The following ADGRL2 variants were observed in gnomAD, a reference collection of about 807,000 sequenced individuals.
ADGRL2 encodes the protein calcium-independent alpha-latrotoxin receptor 2.
In ADGRL2, 44 loss-of-function variants were observed where a neutral mutation model predicts 157.4. The ratio of observed to expected loss-of-function variants is 0.28; its 90% CI spans 0.22 to 0.36. ADGRL2 has a LOEUF of 0.36. Ranked by LOEUF, ADGRL2 falls within the 10% of genes least tolerant of loss-of-function variation. The probability of loss-of-function intolerance (pLI) is 1.00; values close to 1 mark genes in which losing one functional copy is unlikely to be tolerated. For missense variants in ADGRL2, 1,510 were observed against 1,768.9 expected (o/e 0.85, Z 2.63); for synonymous variants, 585 against 624.7 (o/e 0.94, Z 0.95).
At chr1:81,922,905 CCTT>C (rs1238064245) in intron 3 of ADGRL2, among the ~76,000 whole-genome samples, 2 of 152,072 alleles carry the variant, frequency 1.3e-5, no homozygotes, top group East Asian at 3.9e-4. Context: ...TTCTTTTCCT[CCTT>C]CTTCCTATTT....
chr1:81,727,008 A>G (rs1036441978), intron 1 of ADGRL2, among the ~76,000 whole-genome samples: 1 of 152,224 alleles, frequency 6.6e-6, no homozygotes, highest in Non-Finnish European at 1.5e-5. Context: ...CTGAATGACA[A>G]AGTAGTAATC....
chr1:81,951,238 T>G, intron 8 of ADGRL2, 117 bp downstream of exon 8: 4 of 624,026 alleles, frequency 6.4e-6, no homozygotes, highest in Non-Finnish European at 1.1e-5. Context: ...AGTATAAAAG[T>G]AAAAAAAAAT....
At chr1:81,577,895 A>T (rs2080827584) in intron 2 of ADGRL2, among the ~76,000 whole-genome samples, 1 of 152,146 alleles carries the variant, frequency 6.6e-6, no homozygotes, top group African/African-American at 2.4e-5. Context: ...ATAAATCTGA[A>T]TTTTTTAAAA....
chr1:81,601,583 G>A (rs974034728), intron 3 of ADGRL2, among the ~76,000 whole-genome samples: 3 of 152,130 alleles, frequency 2.0e-5, no homozygotes. Context: ...TTTTATTTCT[G>A]CCCAGGATTA....
intron 3 of ADGRL2, among the ~76,000 whole-genome samples, chr1:81,626,280 T>C (rs1458097899): frequency 2.0e-5 from 3 of 152,038 alleles, no homozygotes; most frequent in Non-Finnish European, 4.4e-5. Flanking sequence ...TCAGTGAACA[T>C]GAACTTTTGC....
At chr1:81,755,880 C>T (rs1313067459) in intron 1 of ADGRL2, among the ~76,000 whole-genome samples, 1 of 152,106 alleles carries the variant, frequency 6.6e-6, no homozygotes, top group African/African-American at 2.4e-5. Flanking sequence ...TTGCAATTCA[C>T]AGTATGGCAT....
At position 81,623,197 on chromosome 1, in the gene ADGRL2, G is replaced by A. The variant is rs181862528; in HGVS notation, c.-143+42217G>A. 3.5e-3 allele frequency among the ~76,000 whole-genome samples: 540 copies of A among 152,284 alleles called. 3 individuals carry two copies. Among genetic ancestry groups the A allele is most frequent in the Non-Finnish European group, 5.5e-3 (377 of 68,028 alleles). On this transcript the variant is annotated intron_variant, in intron 3 of 24. Coordinates refer to the ADGRL2 transcript ENST00000370721. ...TATAAGGGAGACACTAGAATCAACA[G>A]CCATAACTTGGAACTGAAAGTTTGG...
chr1:81,522,809 A>G (rs1263362490), intron 2 of ADGRL2, among the ~76,000 whole-genome samples: 1 of 152,176 alleles, frequency 6.6e-6, no homozygotes, highest in Non-Finnish European at 1.5e-5. Flanking sequence ...ATTGTTTTGT[A>G]TTCATTATCC....
At chr1:81,618,612 T>A (rs1028971984) in intron 3 of ADGRL2, among the ~76,000 whole-genome samples, 1 of 152,204 alleles carries the variant, frequency 6.6e-6, no homozygotes, top group East Asian at 1.9e-4. Context: ...ACTGTTCACA[T>A]AGCAAATAGC....
rs910769586 is a variant in ADGRL2, at chr1:81,615,013, A to G, written c.-143+34033A>G. ...GAGCGACAGAGTGAGACCATGTATC[A>G]AAAATAAAATAAAGTAAAATAAAAT... On this transcript the variant is annotated intron_variant, in intron 3 of 24. Transcript: ENST00000370721. Among the ~76,000 whole-genome samples, 4 of 152,298 alleles carry G rather than the reference A, an allele frequency of 2.6e-5. No individual in the cohort carries two copies. The East Asian group carries it at 7.7e-4, about 29-fold the overall frequency.
intron 3 of ADGRL2, among the ~76,000 whole-genome samples, chr1:81,629,997 T>G (rs543922254): frequency 4.1e-4 from 63 of 152,202 alleles, no homozygotes; most frequent in African/African-American, 1.5e-3. Flanking sequence ...CATATCCATA[T>G]GTATATATGA....
Position 81,763,010 on chromosome 1 carries a change from T to C in ADGRL2, c.-101+1158T>C, listed in dbSNP as rs1360218079. 2.4e-5 allele frequency among the ~76,000 whole-genome samples: 3 copies of C among 126,704 alleles called. 1 individual carries two copies. The highest frequency in any genetic ancestry group is 3.1e-5 in the Non-Finnish European group (2 of 64,032). The allele number at this position is 126,704 out of a possible 152,430, so 83.1% of individuals were successfully genotyped here. A position where few individuals can be genotyped will look rare whatever the true frequency, so the allele number is the denominator to read the frequency against. ...GAGCTTGCAGTGGGCCGAGTGCCAC[T>C]GCACTCCAGTCTGGGTGACAGAGCC... is the stretch of plus-strand genomic sequence containing the variant. On this transcript the variant is annotated intron_variant, in intron 2 of 20. Transcript: ENST00000359929.
intron 3 of ADGRL2, among the ~76,000 whole-genome samples, chr1:81,923,361 A>G (rs941733805): frequency 6.6e-6 from 1 of 152,208 alleles, no homozygotes; most frequent in African/African-American, 2.4e-5. Context: ...TCATATATTT[A>G]TCAGTCAGGT....
chr1:81,399,792 C>T lies in ADGRL2; in HGVS notation c.-301-45244C>T, dbSNP rs532978290. On this transcript the variant is annotated intron_variant, in intron 1 of 24. Transcript: ENST00000370721. The stretch of plus-strand genomic sequence containing the variant: ...TTCCAGCAATTCATAGTTTCCTTTT[C>T]ATTGGATCTGTAACTAGACAGTTAT... 2.0e-5 allele frequency among the ~76,000 whole-genome samples: 3 copies of T among 152,198 alleles called. No homozygotes were observed. In the South Asian group the frequency reaches 6.2e-4, roughly 32 times the overall value.
chr1:81,314,505 GA>G (rs1659974249), intron 1 of ADGRL2, among the ~76,000 whole-genome samples: 1 of 151,974 alleles, frequency 6.6e-6, no homozygotes, highest in Admixed American at 6.5e-5. Flanking sequence ...TTAATCCACA[GA>G]AAAAAAGAAA....
intron 2 of ADGRL2, among the ~76,000 whole-genome samples, chr1:81,467,712 T>C (rs2078089185): frequency 6.6e-6 from 1 of 152,120 alleles, no homozygotes; most frequent in African/African-American, 2.4e-5. Flanking sequence ...TGGGAGTGAT[T>C]AGCACTTTTC....
chr1:81,543,360 A>G (rs2079935728), intron 2 of ADGRL2, among the ~76,000 whole-genome samples: 1 of 152,098 alleles, frequency 6.6e-6, no homozygotes, highest in African/African-American at 2.4e-5. Flanking sequence ...AGGAGAAGGC[A>G]TTATCTATGA....
chr1:81,708,276 C>T (rs963788942), intron 1 of ADGRL2, among the ~76,000 whole-genome samples: 1 of 152,090 alleles, frequency 6.6e-6, no homozygotes, highest in Non-Finnish European at 1.5e-5. Flanking sequence ...TTTAAAAATG[C>T]TTTTCATTAT....
intron 2 of ADGRL2, among the ~76,000 whole-genome samples, chr1:81,891,423 G>A (rs1318729931): frequency 4.6e-5 from 7 of 152,010 alleles, no homozygotes; most frequent in Non-Finnish European, 1.0e-4. Context: ...GCTCTTCTCA[G>A]AAAGACTGTA....
Sources: gnomAD v4.1 joint callset for allele counts (sites outside exome capture counted in the v4.1 genomes callset) on GRCh38, gnomAD v4.1.1 for gene constraint, MANE v1.5 for transcripts, NCBI Gene and HGNC (gene_info 2026-07-23, HGNC 2026-07-21) for gene names.